Variants in PRSS55 observed in about 807,000 individuals in gnomAD.
PRSS55 encodes the protein serine protease 55.
In PRSS55, 41 loss-of-function variants were observed where a neutral mutation model predicts 23.6. That is an observed-to-expected ratio of 1.74 (90% CI 1.35 to 2.26). PRSS55 has a LOEUF of 2.26. Among genes scored for constraint, PRSS55 ranks in the 30% most tolerant of loss-of-function variants. The pLI is 0.00. For missense variants in PRSS55, 669 were observed against 439.1 expected (o/e 1.52, Z -4.68); for synonymous variants, 262 against 175.5 (o/e 1.49, Z -3.90).
chr8:10,536,491 T>A (rs1329820297), intron 4 of PRSS55, among the ~76,000 whole-genome samples: 1 of 152,186 alleles, frequency 6.6e-6, no homozygotes, highest in African/African-American at 2.4e-5. Context: ...CAACTACCAT[T>A]AAACCCAGCA....
At chr8:10,527,077 C>A (rs1325540316) in intron 1 of PRSS55, among the ~76,000 whole-genome samples, 1 of 152,208 alleles carries the variant, frequency 6.6e-6, no homozygotes, top group Admixed American at 6.5e-5. Context: ...TCCTTCCATA[C>A]TTATAAACCC....
At chr8:10,534,912 T>G (rs941973197) in intron 4 of PRSS55, among the ~76,000 whole-genome samples, 1 of 152,172 alleles carries the variant, frequency 6.6e-6, no homozygotes, top group Non-Finnish European at 1.5e-5. Context: ...GACATTTATA[T>G]ACACCAGACA....
chr8:10,531,487 G>C lies in PRSS55; in HGVS notation c.540G>C (p.Gln180His). The C allele has an allele frequency of 1.2e-6, 2 of 1,613,850 alleles. No homozygotes were observed. The highest frequency in any genetic ancestry group is 1.7e-6 in the Non-Finnish European group (2 of 1,180,056). Residue 180 changes from glutamine to histidine, a missense_variant, in exon 3 of 5, where the codon CAG (glutamine) becomes CAC (histidine). Physicochemically the swap from Gln to His is conservative, Grantham distance 24 (BLOSUM62 0). Transcript: ENST00000328655. ...AGGTGCCCATCTGCCTCCCCACGCA[G>C]CCCGGCCCTGCCACATGGCGCGAAT... ...DLKVPICLPT[Q>H]PGPATWRECW...
At chr8:10,526,914 C>T (rs1459799365) in intron 1 of PRSS55, among the ~76,000 whole-genome samples, 1 of 152,180 alleles carries the variant, frequency 6.6e-6, no homozygotes, top group East Asian at 1.9e-4. Flanking sequence ...CGTGAATAAG[C>T]AACAGAGCCT....
At chr8:10,527,343 G>T (rs1478334581) in intron 1 of PRSS55, among the ~76,000 whole-genome samples, 1 of 152,216 alleles carries the variant, frequency 6.6e-6, no homozygotes, top group African/African-American at 2.4e-5. Flanking sequence ...CTGCCTTCCA[G>T]ACACCCGGAG....
chr8:10,543,543 G>T, downstream of PRSS55, among the ~76,000 whole-genome samples: 1 of 142,658 alleles, frequency 7.0e-6, no homozygotes, highest in Admixed American at 7.1e-5. Flanking sequence ...GCACCATTTT[G>T]TTTCCTTTAA....
chr8:10,528,923 T>C (rs914855079), intron 1 of PRSS55, among the ~76,000 whole-genome samples: 3 of 152,182 alleles, frequency 2.0e-5, no homozygotes, highest in African/African-American at 7.2e-5. Context: ...CTCTTTGCCT[T>C]TCCTCTGCAG....
chr8:10,550,405 C>T (rs1812926002), intron 4 of PRSS55, among the ~76,000 whole-genome samples: 1 of 152,224 alleles, frequency 6.6e-6, no homozygotes, highest in Admixed American at 6.5e-5. Context: ...TCCCTGGCCT[C>T]ATAAGCCTGT....
At chr8:10,554,044 T>G in exon 5 of PRSS55, 7 of 1,511,946 alleles carry the variant, frequency 4.6e-6, no homozygotes, top group Non-Finnish European at 6.2e-6. Flanking sequence ...GCTTTGCTCT[T>G]TCTTCTACAT....
chr8:10,534,410 T>C (rs1812384435), intron 4 of PRSS55, among the ~76,000 whole-genome samples: 1 of 152,180 alleles, frequency 6.6e-6, no homozygotes, highest in African/African-American at 2.4e-5. Flanking sequence ...CCATTTACTC[T>C]AGTCACCTCT....
chr8:10,538,487 G>C lies in PRSS55; in HGVS notation c.753G>C (p.Gly251=). 1.2e-6 allele frequency: 2 copies of C among 1,612,680 alleles called. No homozygotes were observed. Among genetic ancestry groups the C allele is most frequent in the Non-Finnish European group, 1.7e-6 (2 of 1,179,408 alleles). ...TTCTCTGCCCACAGGGTGACAGTGGGGGGCCTCTGGTCTGCACCCCAGAGC... is the reference window on the plus strand; with the variant it reads ...TTCTCTGCCCACAGGGTGACAGTGGCGGGCCTCTGGTCTGCACCCCAGAGC... ...ESYDACKGDS[G]GPLVCTPEPG... Residue 251 remains glycine, a synonymous_variant, in exon 5 of 5, where the codon GGG becomes GGC. Transcript: ENST00000328655.
intron 1 of PRSS55, 63 bp from the exon 2 acceptor site, chr8:10,529,444 G>A: frequency 6.5e-7 from 1 of 1,547,258 alleles, no homozygotes; most frequent in Non-Finnish European, 8.9e-7. Context: ...CCGGTCCCCA[G>A]CTCACACTGG....
chr8:10,543,098 G>A (rs931510282), downstream of PRSS55, among the ~76,000 whole-genome samples: 4 of 152,074 alleles, frequency 2.6e-5, no homozygotes, highest in Non-Finnish European at 5.9e-5. Flanking sequence ...CATGGGACCA[G>A]GCCTGACCAA....
chr8:10,545,875 G>A (rs1415691213), intron 4 of PRSS55, among the ~76,000 whole-genome samples: 2 of 152,188 alleles, frequency 1.3e-5, no homozygotes, highest in Non-Finnish European at 2.9e-5. Context: ...ATCAGAACCG[G>A]CCCAGTAAGA....
chr8:10,538,822 G>A (rs374527303), downstream of PRSS55: 123 of 1,524,180 alleles, frequency 8.1e-5, no homozygotes, highest in Middle Eastern at 7.1e-4. Context: ...TCTTTCAACC[G>A]AGGGAGGGTG....
chr8:10,526,674 A>T (rs1201549771), intron 1 of PRSS55, among the ~76,000 whole-genome samples: 1 of 152,226 alleles, frequency 6.6e-6, no homozygotes, highest in Non-Finnish European at 1.5e-5. Context: ...TGATCTCAGG[A>T]CCAAGAATGT....
At chr8:10,549,092 C>T (rs543961090) in intron 4 of PRSS55, among the ~76,000 whole-genome samples, 1 of 152,132 alleles carries the variant, frequency 6.6e-6, no homozygotes, top group Admixed American at 6.5e-5. Flanking sequence ...ACTACCTGAC[C>T]CTTGACAGAA....
Position 10,538,664 on chromosome 8 carries a change from AAGG to A in PRSS55, c.935_937del (p.Arg312del), listed in dbSNP as rs754905328. 4.3e-6 allele frequency: 7 copies of A among 1,614,054 alleles called. No homozygotes were observed. The Admixed American group carries it at 1.0e-4, about 23-fold the overall frequency. ...AGGGCAGGCCCTTCAATGCAGAGAA[AAGG>A]AGGACTTCTGTCAAACAGAAACCTA... is the stretch of plus-strand genomic sequence containing the variant. On this transcript the variant is annotated inframe_deletion, in exon 5 of 5. Transcript: ENST00000328655.
rs752222001 is a variant in PRSS55, at chr8:10,538,615, G to C, written c.881G>C (p.Trp294Ser). 3.7e-6 allele frequency: 6 copies of C among 1,614,154 alleles called. No homozygotes were observed. The highest frequency in any genetic ancestry group is 5.1e-6 in the Non-Finnish European group (6 of 1,180,030). Residue 294 changes from tryptophan (W) to serine (S), a missense_variant, in exon 5 of 5, where the codon TGG (tryptophan) becomes TCG (serine). Transcript: ENST00000328655. Reference sequence around the variant, plus strand: ...ACCTCGTTGGTGAACTACAACCTCTGGATCGAGAAAGTGACCCAGCTAGAG... The same window carrying C: ...ACCTCGTTGGTGAACTACAACCTCTCGATCGAGAAAGTGACCCAGCTAGAG... ...IYTSLVNYNL[W>S]IEKVTQLEGR...
Sources: gnomAD v4.1 joint callset for allele counts (sites outside exome capture counted in the v4.1 genomes callset) on GRCh38, gnomAD v4.1.1 for gene constraint, MANE v1.5 for transcripts, NCBI Gene and HGNC (gene_info 2026-07-23, HGNC 2026-07-21) for gene names.